Variants in LIMS1 observed in about 807,000 individuals in gnomAD.
LIMS1 encodes LIM zinc finger domain containing 1.
A neutral mutation model predicts 44.1 loss-of-function variants in LIMS1; 18 were observed. The observed-to-expected ratio is 0.41, with a 90% CI of 0.28 to 0.61. The LOEUF (loss-of-function observed/expected upper bound fraction) is 0.61. LIMS1 is among the 20% of genes least tolerant of loss of function. The pLI, the probability that LIMS1 is intolerant of heterozygous loss-of-function variation, is 0.32. For synonymous variants in LIMS1, 93 were observed against 149.1 expected (o/e 0.62, Z 2.74); for missense variants, 201 against 422.0 (o/e 0.48, Z 4.59).
chr2:108,669,326 T>G (rs1440800661), intron 2 of LIMS1, among the ~76,000 whole-genome samples: 1 of 151,978 alleles, frequency 6.6e-6, no homozygotes, highest in African/African-American at 2.4e-5. Flanking sequence ...GAGAATCGCC[T>G]GAACCCAAGA....
chr2:108,601,496 T>C (rs1558804194), intron 1 of LIMS1, among the ~76,000 whole-genome samples: 1 of 152,188 alleles, frequency 6.6e-6, no homozygotes, highest in Non-Finnish European at 1.5e-5. Context: ...TTTGCGATTG[T>C]CTATTGTTTT....
At chr2:108,551,945 G>GTATATATATATATATATATATATATA (rs1354548064) in intron 1 of LIMS1, among the ~76,000 whole-genome samples, 2 of 96,352 alleles carry the variant, frequency 2.1e-5, no homozygotes, top group East Asian at 1.9e-3. Context: ...GTGTGTGTGT[G>GTATATATATATATATATATATATATA]TGTGTGTGTA....
rs964842806 is a variant in LIMS1 at position 108,551,484 on chromosome 2, C to T, written c.32+16890C>T. On this transcript the variant is annotated intron_variant, in intron 1 of 9. Transcript: ENST00000544547. ...AGCACACTCTATATACATATATGCGCGCGCGCGCACACACACACACACACA... is the reference window on the plus strand; with the variant it reads ...AGCACACTCTATATACATATATGCGTGCGCGCGCACACACACACACACACA... 1.9e-3 allele frequency among the ~76,000 whole-genome samples: 188 copies of T among 96,772 alleles called. 1 individual carries two copies. Among genetic ancestry groups the T allele is most frequent in the African/African-American group, 7.1e-3 (169 of 23,676 alleles). 63.5% of individuals were successfully genotyped at this position (96,772 alleles called of 152,430 possible).
Position 108,678,087 on chromosome 2 carries a change from G to C in LIMS1, c.823+60G>C, listed in dbSNP as rs1043248162. 4.0e-5 allele frequency: 64 copies of C among 1,607,188 alleles called. No individual in the cohort carries two copies. In the Admixed American group the frequency reaches 1.1e-3, roughly 27 times the overall value. ...TTTGACACAAAAACACTTGGGTAAT[G>C]TGGAAATTCAGGTTGGTGATTGTAT... On this transcript the variant is annotated intron_variant, in intron 8 of 9. Transcript: ENST00000544547.
At chr2:108,642,342 G>GTT (rs764932432) in intron 1 of LIMS1, among the ~76,000 whole-genome samples, 281 of 14,920 alleles carry the variant, frequency 0.019, 2 homozygotes, top group Middle Eastern at 0.062. Context: ...AGTGTTTTTT[G>GTT]TTTTTTTTTT....
chr2:108,637,121 G>T (rs897076804), intron 1 of LIMS1, among the ~76,000 whole-genome samples: 8 of 151,258 alleles, frequency 5.3e-5, no homozygotes, highest in Non-Finnish European at 1.0e-4. Context: ...GTGTGTGTGT[G>T]TGTGTGTGTG....
At chr2:108,658,483 C>T (rs1361211365) in intron 1 of LIMS1, among the ~76,000 whole-genome samples, 3 of 140,400 alleles carry the variant, frequency 2.1e-5, no homozygotes, top group South Asian at 2.5e-4. Context: ...CCACCACACC[C>T]GGCTAATTTT....
Position 108,680,125 on chromosome 2 carries a change from C to T in LIMS1, c.824-570C>T, listed in dbSNP as rs561844417. 2.0e-5 allele frequency among the ~76,000 whole-genome samples: 3 copies of T among 152,124 alleles called. No homozygotes were observed. In the East Asian group the frequency reaches 5.8e-4, roughly 30 times the overall value. On this transcript the variant is annotated intron_variant, in intron 8 of 9. Transcript: ENST00000544547. ...GTGGCTCACGCTTGTAATCCCAGCACTCTGGGAGGCCAAGACGGGCGGATC... is the reference window on the plus strand; with the variant it reads ...GTGGCTCACGCTTGTAATCCCAGCATTCTGGGAGGCCAAGACGGGCGGATC...
intron 1 of LIMS1, among the ~76,000 whole-genome samples, chr2:108,625,357 C>T (rs1688499823): frequency 6.6e-6 from 1 of 152,132 alleles, no homozygotes; most frequent in African/African-American, 2.4e-5. Flanking sequence ...GTGACACAGA[C>T]CAATGTGGCC....
intron 1 of LIMS1, among the ~76,000 whole-genome samples, chr2:108,559,465 C>G (rs1353439055): frequency 6.6e-6 from 1 of 152,138 alleles, no homozygotes; most frequent in African/African-American, 2.4e-5. Flanking sequence ...ATAAGACTTT[C>G]TCATTGCGGT....
chr2:108,626,307 A>AT (rs1688572408), intron 1 of LIMS1, among the ~76,000 whole-genome samples: 2 of 152,314 alleles, frequency 1.3e-5, no homozygotes, highest in South Asian at 4.1e-4. Context: ...TGTTCTTATT[A>AT]TTTGGTGGTT....
rs559880611 is a variant in LIMS1, at chr2:108,604,237, G to GA, written c.33-55361dup. 3.8e-4 allele frequency among the ~76,000 whole-genome samples: 58 copies of GA among 151,994 alleles called. 1 individual carries two copies. The South Asian group carries it at 0.011, about 30-fold the overall frequency. On this transcript the variant is annotated intron_variant, in intron 1 of 9. Coordinates refer to ENST00000544547, the Ensembl canonical transcript of LIMS1. ...TATTTTGACCTTTTTTAATGGTTGA[G>GA]AAAAAAATAAAAGGATGATATGAAA...
At chr2:108,537,775 C>T (rs1324439842) in intron 1 of LIMS1, among the ~76,000 whole-genome samples, 1 of 152,172 alleles carries the variant, frequency 6.6e-6, no homozygotes, top group African/African-American at 2.4e-5. Flanking sequence ...TGACCTGTCT[C>T]CTGGGCAGTT....
At chr2:108,683,856 T>C (rs1384805687) in intron 9 of LIMS1, 29 bp from the exon 10 acceptor site, 3 of 1,260,312 alleles carry the variant, frequency 2.4e-6, no homozygotes, top group Non-Finnish European at 3.4e-6. Flanking sequence ...TCCACTAACT[T>C]CTTTTTTTTT....
intron 1 of LIMS1, among the ~76,000 whole-genome samples, chr2:108,581,752 A>G (rs1685893566): frequency 6.6e-6 from 1 of 152,282 alleles, no homozygotes; most frequent in Admixed American, 6.5e-5. Context: ...AGCCTGACCA[A>G]CGTGGTGAAA....
chr2:108,561,682 T>C (rs1174152612), intron 1 of LIMS1, among the ~76,000 whole-genome samples: 2 of 152,144 alleles, frequency 1.3e-5, no homozygotes, highest in Admixed American at 1.3e-4. Context: ...ATTCTCACAA[T>C]ATTTCAAACT....
intron 1 of LIMS1, among the ~76,000 whole-genome samples, chr2:108,569,838 T>C (rs1685427011): frequency 6.9e-6 from 1 of 145,220 alleles, no homozygotes; most frequent in African/African-American, 2.5e-5. Flanking sequence ...TGGCCTCAGG[T>C]GATCCTCCCA....
chr2:108,534,584 A>T, exon 1 of LIMS1: 1 of 1,180,634 alleles, frequency 8.5e-7, no homozygotes, highest in Non-Finnish European at 1.1e-6. Context: ...GGCGGCCGGG[A>T]TGACCCACAG....
intron 1 of LIMS1, among the ~76,000 whole-genome samples, chr2:108,643,557 G>A (rs1689854576): frequency 6.7e-6 from 1 of 150,152 alleles, no homozygotes; most frequent in African/African-American, 2.4e-5. Context: ...ACAAAACTGG[G>A]CGGCCTTTAG....
Sources: allele counts gnomAD v4.1 joint callset (sites outside exome capture counted in the v4.1 genomes callset), GRCh38; gene constraint gnomAD v4.1.1; transcripts MANE v1.5; gene names NCBI Gene and HGNC (gene_info 2026-07-23, HGNC 2026-07-21).